The following CACNA1E variants were observed in gnomAD, a reference collection of about 807,000 sequenced individuals.
CACNA1E encodes the protein calcium voltage-gated channel subunit alpha1 E.
CACNA1E carries 40 observed loss-of-function variants against 259.2 expected under a neutral mutation model. The ratio of observed to expected loss-of-function variants is 0.15; its 90% CI spans 0.12 to 0.20. The LOEUF (loss-of-function observed/expected upper bound fraction) is 0.20, where lower values mean the gene tolerates loss of function less well. Ranked by LOEUF, CACNA1E falls within the 10% of genes least tolerant of loss-of-function variation. The probability of loss-of-function intolerance (pLI) is 1.00; values close to 1 mark genes in which losing one functional copy is unlikely to be tolerated. For missense variants in CACNA1E, 1,874 were observed against 3,040.1 expected (o/e 0.62, Z 9.02); for synonymous variants, 1,104 against 1,138.5 (o/e 0.97, Z 0.61).
intron 1 of CACNA1E, among the ~76,000 whole-genome samples, chr1:181,324,390 G>A (rs1650612370): frequency 6.6e-6 from 1 of 152,170 alleles, no homozygotes; most frequent in African/African-American, 2.4e-5. Context: ...AGATCAGAAT[G>A]ATAAAAATGA....
chr1:181,338,878 T>C (rs1651927141), intron 1 of CACNA1E, among the ~76,000 whole-genome samples: 1 of 152,154 alleles, frequency 6.6e-6, no homozygotes, highest in Admixed American at 6.5e-5. Context: ...TTTTTTTGCC[T>C]GTGGATATAC....
intron 1 of CACNA1E, among the ~76,000 whole-genome samples, chr1:181,503,235 T>G (rs2102576847): frequency 6.6e-6 from 1 of 152,362 alleles, no homozygotes; most frequent in South Asian, 2.1e-4. Context: ...CTCAGTCGGC[T>G]CAGACGAGGG....
At position 181,762,544 on chromosome 1, in the gene CACNA1E, G is replaced by C. The variant is rs770067292; in HGVS notation, c.4606-30G>C. ...TCCTTTTTTTTTTCTTTCCTTTTCTGATGTTCCTATGACTGAATTCATTTG... is the reference window on the plus strand; with the variant it reads ...TCCTTTTTTTTTTCTTTCCTTTTCTCATGTTCCTATGACTGAATTCATTTG... On this transcript the variant is annotated intron_variant, in intron 32 of 47. Coordinates refer to ENST00000367573, the MANE Select transcript of CACNA1E (RefSeq NM_001205293.3). 1.7e-5 allele frequency: 22 copies of C among 1,269,200 alleles called. No homozygotes were observed. In the South Asian group the frequency reaches 2.7e-4, roughly 16 times the overall value. The allele number at this position is 1,269,200 out of a possible 1,614,324, so 78.6% of individuals were successfully genotyped here.
At chr1:181,517,915 A>G (rs751897356) in intron 3 of CACNA1E, among the ~76,000 whole-genome samples, 2 of 152,154 alleles carry the variant, frequency 1.3e-5, no homozygotes, top group South Asian at 2.1e-4. Context: ...TTGTGAATGC[A>G]GTCCTCAGGC....
At chr1:181,577,644 A>G in intron 3 of CACNA1E, 122 bp from the exon 4 acceptor site, 1 of 565,902 alleles carries the variant, frequency 1.8e-6, no homozygotes, top group South Asian at 2.4e-5. Context: ...GTGCACCCAC[A>G]TACAGCTGGC....
intron 1 of CACNA1E, among the ~76,000 whole-genome samples, chr1:181,386,650 G>C (rs1655869987): frequency 6.6e-6 from 1 of 152,194 alleles, no homozygotes; most frequent in South Asian, 2.1e-4. Context: ...GAGGAACTGA[G>C]TTTTAAATTG....
chr1:181,766,500 G>A, intron 34 of CACNA1E, 46 bp from the exon 35 acceptor site: 1 of 1,442,524 alleles, frequency 6.9e-7, no homozygotes, highest in Non-Finnish European at 9.7e-7. Context: ...TTGAGCTTGG[G>A]TGCTGCTTTT....
intron 25 of CACNA1E, among the ~76,000 whole-genome samples, chr1:181,747,889 G>A (rs1657237202): frequency 6.6e-6 from 1 of 152,172 alleles, no homozygotes. Context: ...TAGTCCATGT[G>A]TAAATTATAT....
At chr1:181,392,745 C>T (rs1458286970) in intron 1 of CACNA1E, among the ~76,000 whole-genome samples, 1 of 152,104 alleles carries the variant, frequency 6.6e-6, no homozygotes, top group East Asian at 1.9e-4. Context: ...GTCATTGGAA[C>T]CAAATGTGAG....
At chr1:181,420,817 A>G (rs1658676319) in intron 2 of CACNA1E, among the ~76,000 whole-genome samples, 1 of 152,192 alleles carries the variant, frequency 6.6e-6, no homozygotes, top group Non-Finnish European at 1.5e-5. Flanking sequence ...GACTTACTCT[A>G]TAAAGAGGGA....
Position 181,795,061 on chromosome 1 carries a change from T to C in CACNA1E, c.6208+17T>C, listed in dbSNP as rs551845562. ...CTGATTCAGGTGAGGAGGTCTTCAGTGTCCAGCTCTTTCATCAGGCAGTGG... is the reference window on the plus strand; with the variant it reads ...CTGATTCAGGTGAGGAGGTCTTCAGCGTCCAGCTCTTTCATCAGGCAGTGG... On this transcript the variant is annotated intron_variant, in intron 46 of 47. Transcript: ENST00000367573. 9 of 1,606,484 alleles carry C rather than the reference T, an allele frequency of 5.6e-6. No homozygotes were observed. The highest frequency in any genetic ancestry group is 7.7e-6 in the Non-Finnish European group (9 of 1,175,448).
intron 7 of CACNA1E, among the ~76,000 whole-genome samples, chr1:181,661,217 T>G (rs1308000274): frequency 6.6e-6 from 1 of 152,016 alleles, no homozygotes; most frequent in Non-Finnish European, 1.5e-5. Flanking sequence ...GGTTTTAGAT[T>G]GTTAGATAAG....
At position 181,769,352 on chromosome 1, in the gene CACNA1E, A is replaced by T. The variant is rs202146204; in HGVS notation, c.4882-1941A>T. Among the ~76,000 whole-genome samples the T allele has an allele frequency of 4.2e-4, 17 of 40,190 alleles. No individual in the cohort carries two copies. The East Asian group carries it at 0.017, about 41-fold the overall frequency. The allele number at this position is 40,190 out of a possible 152,430, so 26.4% of individuals were successfully genotyped here. On this transcript the variant is annotated intron_variant, in intron 35 of 47. Transcript: ENST00000367573. Reference sequence around the variant, plus strand: ...GTGACAAGGACTAAGTGAAAAGTTGAAAAAAAAAAAAAAGTACAAAAAATT... The same window carrying T: ...GTGACAAGGACTAAGTGAAAAGTTGTAAAAAAAAAAAAAGTACAAAAAATT...
intron 43 of CACNA1E, among the ~76,000 whole-genome samples, chr1:181,789,704 G>A (rs773191728): frequency 2.0e-5 from 3 of 152,210 alleles, no homozygotes; most frequent in Non-Finnish European, 2.9e-5. Context: ...AGTGGATCCC[G>A]TCAGGTTAAG....
intron 7 of CACNA1E, among the ~76,000 whole-genome samples, chr1:181,660,071 G>A (rs182966208): frequency 2.6e-5 from 4 of 152,272 alleles, no homozygotes; most frequent in African/African-American, 7.2e-5. Flanking sequence ...AATGTGACCC[G>A]GTATGTGTAC....
chr1:181,511,589 TG>T, intron 3 of CACNA1E, 79 bp downstream of exon 3: 1 of 1,525,768 alleles, frequency 6.6e-7, no homozygotes, highest in South Asian at 1.1e-5. Context: ...GCAGGGAACC[TG>T]GGGTGGAAAG....
chr1:181,681,540 C>T (rs1386561191), intron 7 of CACNA1E, among the ~76,000 whole-genome samples: 1 of 152,188 alleles, frequency 6.6e-6, no homozygotes, highest in Non-Finnish European at 1.5e-5. Flanking sequence ...GTCCCTTCCT[C>T]CTCTTTAGTT....
rs1412171834 is a variant in CACNA1E, at chr1:181,511,354, G to T, written c.373-17G>T. ...CAGTCCTCTTCTCACTGGTGCTTCT[G>T]CTCCTCATCCCCACAGGAGAAGACA... On this transcript the variant is annotated splice_polypyrimidine_tract_variant and intron_variant, in intron 2 of 47. Coordinates refer to ENST00000367573, the MANE Select transcript of CACNA1E (RefSeq NM_001205293.3). 1.2e-6 allele frequency: 2 copies of T among 1,613,602 alleles called. No individual in the cohort carries two copies. Among genetic ancestry groups the T allele is most frequent in the African/African-American group, 1.3e-5 (1 of 74,916 alleles).
chr1:181,570,927 T>C (rs1650345347), intron 3 of CACNA1E, among the ~76,000 whole-genome samples: 1 of 152,214 alleles, frequency 6.6e-6, no homozygotes, highest in South Asian at 2.1e-4. Context: ...AGGTTTCTGC[T>C]TTCCTCTTTT....
Sources: allele counts gnomAD v4.1 joint callset (sites outside exome capture counted in the v4.1 genomes callset), GRCh38; gene constraint gnomAD v4.1.1; transcripts MANE v1.5; gene names NCBI Gene and HGNC (gene_info 2026-07-23, HGNC 2026-07-21).